ZNF74: variants seen among roughly 807,000 people sequenced by gnomAD.
The protein encoded by ZNF74 is zinc finger protein 520.
A neutral mutation model predicts 17.7 loss-of-function variants in ZNF74; 12 were observed. The observed-to-expected ratio is 0.68, with a 90% confidence interval of 0.43 to 1.10. ZNF74 has a LOEUF of 1.10. Ranked by LOEUF, ZNF74 falls within the 50% of genes least tolerant of loss-of-function variation. ZNF74 has a pLI of 0.00. For missense variants in ZNF74, 811 were observed against 881.0 expected (o/e 0.92, Z 1.01); for synonymous variants, 358 against 362.1 (o/e 0.99, Z 0.13).
At position 20,407,202 on chromosome 22, in the gene ZNF74, C is replaced by G; in HGVS notation, c.*234C>G. ...GAGTCATTTGAGGTAGTCTTGCCAC[C>G]TGTTTTCCTTGATGGGCCTGGAAGT... On this transcript the variant is annotated 3_prime_UTR_variant, in exon 5 of 5. Coordinates refer to ENST00000400451, the MANE Select transcript of ZNF74 (RefSeq NM_003426.4). 3.5e-6 allele frequency: 2 copies of G among 569,940 alleles called. No individual in the cohort carries two copies. The highest frequency in any genetic ancestry group is 5.9e-6 in the Non-Finnish European group (2 of 336,164). 35.3% of individuals were successfully genotyped at this position (569,940 alleles called of 1,614,324 possible). A position where few individuals can be genotyped will look rare whatever the true frequency, so the allele number is the denominator to read the frequency against.
In ZNF74 at chr22:20,394,416, G is replaced by C. The variant is rs1010091817; in HGVS notation, c.-213G>C. On this transcript the variant is annotated 5_prime_UTR_variant, in exon 1 of 5. Transcript: ENST00000400451. ...GGGGCTGAGCCTGGTGTGGGGAGTG[G>C]GTATCTGCGGAGCCGGCCTGAACCC... The C allele has an allele frequency of 3.0e-5, 19 of 636,446 alleles. No individual in the cohort carries two copies. Among genetic ancestry groups the C allele is most frequent in the Non-Finnish European group, 4.9e-5 (17 of 350,204 alleles). 39.4% of individuals were successfully genotyped at this position (636,446 alleles called of 1,614,324 possible).
chr22:20,401,511 C>T lies in ZNF74; in HGVS notation c.343+139C>T, dbSNP rs1390170490. On this transcript the variant is annotated intron_variant, in intron 4 of 4. Transcript: ENST00000400451. The surrounding 1 kb of genome is among the most constrained non-coding windows in gnomAD (Gnocchi z 4.2). ...GTCCCCCGCCAGACCCTCCTGCCTG[C>T]CTCCCTTCAGCACGTACTGAGCACT... The T allele has an allele frequency of 4.6e-6, 3 of 646,234 alleles. No homozygotes were observed. Among genetic ancestry groups the T allele is most frequent in the Admixed American group, 5.1e-5 (2 of 38,944 alleles). The allele number at this position is 646,234 out of a possible 1,614,324, so 40.0% of individuals were successfully genotyped here.
chr22:20,404,305 G>A (rs998147638), intron 4 of ZNF74, among the ~76,000 whole-genome samples: 6 of 152,138 alleles, frequency 3.9e-5, no homozygotes, highest in South Asian at 4.1e-4. Context: ...TCACCTAAAG[G>A]AAGAGTACAG....
intron 4 of ZNF74, among the ~76,000 whole-genome samples, chr22:20,404,024 C>G (rs532076539): frequency 6.6e-6 from 1 of 152,350 alleles, no homozygotes; most frequent in South Asian, 2.1e-4. Context: ...GCCAGTTCCA[C>G]TTGCCCTGCT....
At position 20,394,651 on chromosome 22, in the gene ZNF74, C is replaced by T. The variant is rs755528024; in HGVS notation, c.23C>T (p.Pro8Leu). Residue 8 changes from proline to leucine, a missense_variant, in exon 1 of 5, where the codon CCC becomes CTC. Physicochemically the swap from Pro to Leu is moderately conservative, Grantham distance 98. Transcript: ENST00000400451. ...GCCATGGAGATCCCTGCCCCGGAGCCCGAGAAGACAGGTACAGCTTCACTC... is the reference window on the plus strand; with the variant it reads ...GCCATGGAGATCCCTGCCCCGGAGCTCGAGAAGACAGGTACAGCTTCACTC... MEIPAPE[P>L]EKTALSSQDP... 8 of 1,614,144 alleles carry T rather than the reference C, an allele frequency of 5.0e-6. No individual in the cohort carries two copies. Among genetic ancestry groups the T allele is most frequent in the Non-Finnish European group, 6.8e-6 (8 of 1,180,016 alleles).
At chr22:20,398,530 C>G (rs916721874) in intron 2 of ZNF74, among the ~76,000 whole-genome samples, 1 of 152,092 alleles carries the variant, frequency 6.6e-6, no homozygotes, top group Non-Finnish European at 1.5e-5. Context: ...TTTGAGTACA[C>G]GTATGGCTGT....
rs1224024300 is a variant in ZNF74, at chr22:20,405,739, C to G, written c.706C>G (p.Arg236Gly). The change falls in exon 5 of 5, where the codon CGC becomes GGC. Residue 236 changes from arginine (R) to glycine (G), a missense_variant. Physicochemically the swap from Arg to Gly is moderately radical, Grantham distance 125 (BLOSUM62 -2). Around this residue, in one of 3 missense-constraint regions of ZNF74, gnomAD observed 666 missense variants for 702.3 expected, o/e 0.95. Transcript: ENST00000400451. ...PSEPEKFPQV[R>G]RQRGAGAGEG... ...TGAGCCAGAAAAGTTCCCCCAGGTG[C>G]GCCGGCAGCGCGGGGCGGGCGCCGG... 2.5e-6 allele frequency: 4 copies of G among 1,603,038 alleles called. No homozygotes were observed. The highest frequency in any genetic ancestry group is 2.6e-6 in the Non-Finnish European group (3 of 1,175,506).
intron 2 of ZNF74, chr22:20,399,460 G>A: frequency 8.2e-6 from 2 of 244,584 alleles, no homozygotes; most frequent in Non-Finnish European, 1.6e-5. Context: ...ATGTAAAGTG[G>A]GTTTCTGTAG....
rs889778327 is a variant in ZNF74 at position 20,401,179 on chromosome 22, C to T, written c.248-98C>T. The T allele has an allele frequency of 5.3e-6, 4 of 753,336 alleles. No homozygotes were observed. Among genetic ancestry groups the T allele is most frequent in the African/African-American group, 5.2e-5 (3 of 57,330 alleles). 46.7% of individuals were successfully genotyped at this position (753,336 alleles called of 1,614,324 possible). On this transcript the variant is annotated intron_variant, in intron 3 of 4. Coordinates refer to ENST00000400451, the MANE Select transcript of ZNF74 (RefSeq NM_003426.4). This position sits in a 1 kb window ranked among gnomAD's most constrained non-coding sequence, Gnocchi z 4.2. ...GACCTCCTGTTCCCAGAGAGGGTGT[C>T]CACTTCACAGGCATTGTCCTTGTTA...
intron 2 of ZNF74, 67 bp downstream of exon 2, chr22:20,395,485 C>T: frequency 2.3e-6 from 3 of 1,299,662 alleles, no homozygotes; most frequent in South Asian, 1.3e-5. Context: ...AGCCCTGGAT[C>T]GTCAGCCTTC....
At chr22:20,398,304 G>C (rs1446268241) in intron 2 of ZNF74, among the ~76,000 whole-genome samples, 1 of 145,424 alleles carries the variant, frequency 6.9e-6, no homozygotes, top group Non-Finnish European at 1.5e-5. Flanking sequence ...GTGACAGAGT[G>C]AGACCATGTC....
intron 2 of ZNF74, among the ~76,000 whole-genome samples, chr22:20,396,480 T>C (rs2052295285): frequency 6.6e-6 from 1 of 152,030 alleles, no homozygotes; most frequent in Non-Finnish European, 1.5e-5. Context: ...ACTGTGATTA[T>C]GTAAGAGAAT....
At chr22:20,402,887 G>A (rs2052374924) in intron 4 of ZNF74, among the ~76,000 whole-genome samples, 3 of 151,812 alleles carry the variant, frequency 2.0e-5, no homozygotes, top group Admixed American at 2.0e-4. Context: ...CAGGAGAATT[G>A]CTTGAACCCG....
At position 20,407,186 on chromosome 22, in the gene ZNF74, GAGGT is replaced by G; in HGVS notation, c.*221_*224del. 1 of 639,558 alleles carries G rather than the reference GAGGT, an allele frequency of 1.6e-6. No individual in the cohort carries two copies. Among genetic ancestry groups the G allele is most frequent in the South Asian group, 2.4e-5 (1 of 42,462 alleles). 39.6% of individuals were successfully genotyped at this position (639,558 alleles called of 1,614,324 possible). ...CCAGGAGGAGTGTTGAGAGTCATTT[GAGGT>G]AGTCTTGCCACCTGTTTTCCTTGAT... On this transcript the variant is annotated 3_prime_UTR_variant, in exon 5 of 5. Coordinates refer to ENST00000400451, the MANE Select transcript of ZNF74 (RefSeq NM_003426.4).
rs775314913 is a variant in ZNF74 at position 20,406,445 on chromosome 22, C to T, written c.1412C>T (p.Pro471Leu). Residue 471 changes from proline (P) to leucine (L), a missense_variant, in exon 5 of 5, where the codon CCC becomes CTC. Pro to Leu is a moderately conservative substitution (Grantham distance 98). Coordinates refer to ENST00000400451, the MANE Select transcript of ZNF74 (RefSeq NM_003426.4). ...VHRRIHSGEK[P>L]FKCNECGKAF... The stretch of plus-strand genomic sequence containing the variant: ...CGGCGCATCCACAGCGGCGAGAAGC[C>T]CTTCAAGTGCAACGAGTGCGGCAAA... 6.2e-7 allele frequency: 1 copy of T among 1,614,058 alleles called. No individual in the cohort carries two copies. Among genetic ancestry groups the T allele is most frequent in the East Asian group, 2.2e-5 (1 of 44,868 alleles).
chr22:20,395,447 A>G (rs2146088316), intron 2 of ZNF74, 29 bp downstream of exon 2: 2 of 1,554,326 alleles, frequency 1.3e-6, no homozygotes, highest in Non-Finnish European at 1.8e-6. Context: ...TTCCTTCTTT[A>G]TGAAGAGGGT....
chr22:20,399,513 G>C, intron 2 of ZNF74: 1 of 302,520 alleles, frequency 3.3e-6, no homozygotes, highest in South Asian at 2.6e-5. Flanking sequence ...CCTTTTAATT[G>C]GAGTGTTTAA....
intron 3 of ZNF74, 89 bp downstream of exon 3, chr22:20,400,847 C>T: frequency 1.4e-6 from 2 of 1,480,616 alleles, no homozygotes; most frequent in Non-Finnish European, 1.8e-6. Context: ...AGTGCCGGCC[C>T]TGGTGCCAGA....
Position 20,394,204 on chromosome 22 carries a change from G to C in ZNF74, c.-425G>C, listed in dbSNP as rs774506876. The C allele has an allele frequency of 3.2e-4, 221 of 684,530 alleles. No homozygotes were observed. The highest frequency in any genetic ancestry group is 5.3e-4 in the Non-Finnish European group (197 of 372,462). 42.4% of individuals were successfully genotyped at this position (684,530 alleles called of 1,614,324 possible). A position where few individuals can be genotyped will look rare whatever the true frequency, so the allele number is the denominator to read the frequency against. On this transcript the variant is annotated 5_prime_UTR_variant, in exon 1 of 5. Coordinates refer to ENST00000400451, the MANE Select transcript of ZNF74 (RefSeq NM_003426.4). ...AGTCGCAGTCCTTTTGTGGGAGTCC[G>C]GTCTGTCCACTTGCCGGTCCCTCAG...
Sources: allele counts gnomAD v4.1 joint callset (sites outside exome capture counted in the v4.1 genomes callset), GRCh38; gene constraint gnomAD v4.1.1; regional missense constraint gnomAD v4.1.1; non-coding constraint Gnocchi (gnomAD v3.1); transcripts MANE v1.5; gene names NCBI Gene and HGNC (gene_info 2026-07-23, HGNC 2026-07-21).